Variants in DOP1B observed in about 807,000 individuals in gnomAD.
The protein encoded by DOP1B is DOP1 leucine zipper like protein B.
DOP1B carries 174 observed loss-of-function variants against 233.5 expected under a neutral mutation model. The ratio of observed to expected loss-of-function variants is 0.75; its 90% CI spans 0.66 to 0.85. The LOEUF (loss-of-function observed/expected upper bound fraction) is 0.85. Among genes scored for constraint, DOP1B ranks in the 40% least tolerant of loss-of-function variants. DOP1B has a pLI of 0.00. For missense variants in DOP1B, 2,652 were observed against 2,846.6 expected, an observed-to-expected ratio of 0.93 and a Z score of 1.56; for synonymous variants, 1,190 against 1,185.6, an observed-to-expected ratio of 1.00 and a Z score of -0.08.
At chr21:36,199,393 C>T (rs1419353019) in intron 3 of DOP1B, 142 bp downstream of exon 3, 9 of 1,023,302 alleles carry the variant, frequency 8.8e-6, no homozygotes, top group South Asian at 2.0e-5. Flanking sequence ...CACCAGGAGA[C>T]GTCACTGGGC....
At chr21:36,235,542 G>A (rs1010246256) in intron 15 of DOP1B, among the ~76,000 whole-genome samples, 82 of 151,750 alleles carry the variant, frequency 5.4e-4, no homozygotes, top group African/African-American at 1.8e-3. Flanking sequence ...TGGCCAACAC[G>A]GCAAAATCCC....
chr21:36,291,971 T>G, intron 35 of DOP1B, 133 bp from the exon 36 acceptor site: 1 of 1,073,814 alleles, frequency 9.3e-7, no homozygotes. Context: ...TGCAACTCTA[T>G]GAATATAATA....
intron 2 of DOP1B, among the ~76,000 whole-genome samples, chr21:36,182,795 C>T (rs1288599978): frequency 6.6e-6 from 1 of 152,182 alleles, no homozygotes. Context: ...CACAACTGTC[C>T]TCTAGCCTGG....
Position 36,293,314 on chromosome 21 carries a change from C to G in DOP1B, c.6646-6C>G. On this transcript the variant is annotated splice_polypyrimidine_tract_variant and splice_region_variant and intron_variant, in intron 36 of 36. Coordinates refer to ENST00000691173, the MANE Select transcript of DOP1B (RefSeq NM_001320714.2). The stretch of plus-strand genomic sequence containing the variant: ...TATCATTGTTATGGGTTTGTTTTTT[C>G]TGCAGGAAATCAGTAGCTCTGATGA... 6.2e-7 allele frequency: 1 copy of G among 1,609,678 alleles called. No homozygotes were observed. Among genetic ancestry groups the G allele is most frequent in the Non-Finnish European group, 8.5e-7 (1 of 1,177,694 alleles).
chr21:36,237,541 T>G, intron 16 of DOP1B, 127 bp downstream of exon 16: 1 of 1,222,618 alleles, frequency 8.2e-7, no homozygotes, highest in Non-Finnish European at 1.1e-6. Flanking sequence ...ATTAATAAAA[T>G]AAGCAGAGGT....
intron 2 of DOP1B, among the ~76,000 whole-genome samples, chr21:36,173,172 C>T (rs985143033): frequency 4.6e-5 from 7 of 152,012 alleles, no homozygotes; most frequent in African/African-American, 1.7e-4. Context: ...CAGATTTAAA[C>T]AATGATATAG....
intron 6 of DOP1B, 117 bp from the exon 7 acceptor site, chr21:36,211,857 G>A: frequency 6.7e-7 from 1 of 1,493,520 alleles, no homozygotes; most frequent in South Asian, 1.2e-5. Flanking sequence ...TAATGTGTAA[G>A]GAACCAGCCC....
chr21:36,172,441 G>C (rs1408584861), intron 2 of DOP1B, among the ~76,000 whole-genome samples: 1 of 152,174 alleles, frequency 6.6e-6, no homozygotes, highest in Non-Finnish European at 1.5e-5. Context: ...TGCATTCAAG[G>C]GTCCCTGATA....
At chr21:36,225,998 G>A (rs1437935605) in intron 12 of DOP1B, among the ~76,000 whole-genome samples, 1 of 152,094 alleles carries the variant, frequency 6.6e-6, no homozygotes, top group East Asian at 1.9e-4. Context: ...TGTGCTGTTG[G>A]CTAATTTTCT....
intron 18 of DOP1B, 40 bp downstream of exon 18, chr21:36,239,995 G>A: frequency 6.4e-7 from 1 of 1,570,764 alleles, no homozygotes. Context: ...AGGGAGGAAT[G>A]GGTGGGGGGA....
At chr21:36,163,365 A>C (rs1309839900) in intron 1 of DOP1B, among the ~76,000 whole-genome samples, 1 of 151,368 alleles carries the variant, frequency 6.6e-6, no homozygotes, top group Non-Finnish European at 1.5e-5. Flanking sequence ...AAAAAGAAAG[A>C]AAGAAAGTAG....
chr21:36,182,645 A>T (rs885875), intron 2 of DOP1B, among the ~76,000 whole-genome samples: 1 of 151,622 alleles, frequency 6.6e-6, no homozygotes, highest in South Asian at 2.1e-4. Flanking sequence ...CCTGAGCAAC[A>T]TAGCCAGACC....
intron 7 of DOP1B, 138 bp downstream of exon 7, chr21:36,212,235 G>A: frequency 9.5e-7 from 1 of 1,047,392 alleles, no homozygotes; most frequent in Non-Finnish European, 1.3e-6. Flanking sequence ...ACTAAATATG[G>A]CACTGGTCAG....
chr21:36,209,574 A>G (rs1230913313), intron 5 of DOP1B, among the ~76,000 whole-genome samples: 1 of 151,554 alleles, frequency 6.6e-6, no homozygotes, highest in East Asian at 1.9e-4. Context: ...GCCACTGCCC[A>G]CTCACACATG....
intron 9 of DOP1B, among the ~76,000 whole-genome samples, chr21:36,216,470 G>A (rs2066560378): frequency 6.6e-6 from 1 of 151,982 alleles, no homozygotes; most frequent in Non-Finnish European, 1.5e-5. Flanking sequence ...AATTAGCCAG[G>A]CATGACAGTG....
At chr21:36,236,935 C>T (rs1228259953) in intron 15 of DOP1B, among the ~76,000 whole-genome samples, 1 of 151,926 alleles carries the variant, frequency 6.6e-6, no homozygotes, top group Admixed American at 6.6e-5. Context: ...CAGGTGCCCG[C>T]CGCCACACCT....
chr21:36,218,826 C>A (rs1014766891), intron 9 of DOP1B, among the ~76,000 whole-genome samples: 4 of 152,174 alleles, frequency 2.6e-5, no homozygotes, highest in Non-Finnish European at 5.9e-5. Flanking sequence ...TGCAGCTGGT[C>A]CAGTTCTTTT....
At chr21:36,249,796 G>A (rs2067012480) in intron 21 of DOP1B, among the ~76,000 whole-genome samples, 1 of 152,122 alleles carries the variant, frequency 6.6e-6, no homozygotes, top group Admixed American at 6.6e-5. Flanking sequence ...AGATGTGGCC[G>A]CAGGGATGAG....
intron 2 of DOP1B, among the ~76,000 whole-genome samples, chr21:36,191,897 T>C (rs2066238746): frequency 6.6e-6 from 1 of 152,144 alleles, no homozygotes; most frequent in African/African-American, 2.4e-5. Flanking sequence ...ACACATGGCC[T>C]AAAGTTGACC....
Sources: allele counts gnomAD v4.1 joint callset (sites outside exome capture counted in the v4.1 genomes callset), GRCh38; gene constraint gnomAD v4.1.1; transcripts MANE v1.5; gene names NCBI Gene and HGNC (gene_info 2026-07-23, HGNC 2026-07-21).